Variants in GRM8 observed in about 807,000 individuals in gnomAD.
GRM8 encodes the protein glutamate metabotropic receptor 8.
A neutral mutation model predicts 87.2 loss-of-function variants in GRM8; 47 were observed. The observed-to-expected ratio is 0.54, with a 90% confidence interval of 0.43 to 0.69. GRM8 has a LOEUF of 0.69. GRM8 is among the 30% of genes least tolerant of loss of function. GRM8 has a pLI of 0.00. For missense variants in GRM8, 1,019 were observed against 1,139.2 expected, an observed-to-expected ratio of 0.89 and a Z score of 1.52; for synonymous variants, 396 against 404.5, an observed-to-expected ratio of 0.98 and a Z score of 0.25.
At chr7:127,041,976 T>C (rs1683348460) in intron 3 of GRM8, among the ~76,000 whole-genome samples, 1 of 152,200 alleles carries the variant, frequency 6.6e-6, no homozygotes, top group Non-Finnish European at 1.5e-5. Flanking sequence ...GAGTCTTGGC[T>C]GATGTTTCTT....
chr7:126,877,987 T>C (rs1029532123), intron 6 of GRM8, among the ~76,000 whole-genome samples: 1 of 152,132 alleles, frequency 6.6e-6, no homozygotes, highest in African/African-American at 2.4e-5. Context: ...GGATTTACAA[T>C]GATGAAACAT....
At chr7:126,864,083 C>T (rs1798388555) in intron 6 of GRM8, among the ~76,000 whole-genome samples, 1 of 117,874 alleles carries the variant, frequency 8.5e-6, no homozygotes. Context: ...GTTTTCCAGG[C>T]TGTTCTTGAA....
chr7:126,594,081 A>G (rs1796936871), intron 8 of GRM8, among the ~76,000 whole-genome samples: 1 of 152,094 alleles, frequency 6.6e-6, no homozygotes, highest in Non-Finnish European at 1.5e-5. Flanking sequence ...CTGTTATCAA[A>G]AAGAGAAAAA....
At chr7:126,645,628 T>C (rs2237757) in intron 7 of GRM8, among the ~76,000 whole-genome samples, 46,795 of 152,144 alleles carry the variant, frequency 0.31, 8,066 homozygotes, top group East Asian at 0.43. Context: ...ATTTTGTCTA[T>C]GCAGTGAACA....
chr7:127,120,344 G>C (rs942971147), intron 2 of GRM8, among the ~76,000 whole-genome samples: 1 of 152,182 alleles, frequency 6.6e-6, no homozygotes, highest in South Asian at 2.1e-4. Context: ...TGGTATAAAA[G>C]ATATGTTCAT....
intron 8 of GRM8, among the ~76,000 whole-genome samples, chr7:126,608,778 T>C (rs922795120): frequency 4.0e-5 from 6 of 149,018 alleles, no homozygotes; most frequent in South Asian, 2.1e-4. Flanking sequence ...TTTTTTTTTT[T>C]CTTGAGACGG....
intron 7 of GRM8, among the ~76,000 whole-genome samples, chr7:126,616,351 G>A (rs1271024985): frequency 6.6e-6 from 1 of 152,174 alleles, no homozygotes; most frequent in East Asian, 1.9e-4. Context: ...CAACATAACA[G>A]AATCTCTGGG....
intron 7 of GRM8, among the ~76,000 whole-genome samples, chr7:126,657,378 C>G (rs1466741021): frequency 6.6e-6 from 1 of 152,106 alleles, no homozygotes; most frequent in Admixed American, 6.5e-5. Context: ...CCTAATAGAG[C>G]AGTGGACACT....
chr7:126,460,447 A>G (rs1336651642), intron 9 of GRM8, among the ~76,000 whole-genome samples: 1 of 151,660 alleles, frequency 6.6e-6, no homozygotes. Context: ...TAAAACACCC[A>G]GTAATCACAA....
chr7:126,470,745 A>G (rs1474118383), intron 9 of GRM8, among the ~76,000 whole-genome samples: 1 of 152,184 alleles, frequency 6.6e-6, no homozygotes, highest in Non-Finnish European at 1.5e-5. Flanking sequence ...TTCTAGTTCT[A>G]GATCCCTGAG....
chr7:126,512,573 C>T (rs1811547565), intron 9 of GRM8: 1 of 152,176 alleles, frequency 6.6e-6, no homozygotes, highest in Non-Finnish European at 1.5e-5. Flanking sequence ...TGCCTGATGC[C>T]CCCAGCTTGG....
chr7:127,002,614 G>C (rs1316070503), intron 3 of GRM8, among the ~76,000 whole-genome samples: 1 of 151,592 alleles, frequency 6.6e-6, no homozygotes, highest in African/African-American at 2.4e-5. Flanking sequence ...ATCTGGGAGT[G>C]ATAATAAGAT....
intron 3 of GRM8, among the ~76,000 whole-genome samples, chr7:126,950,163 C>T (rs1032107716): frequency 6.6e-6 from 1 of 152,164 alleles, no homozygotes; most frequent in Admixed American, 6.5e-5. Flanking sequence ...TTAAAATTTA[C>T]TGAGATTTCT....
At chr7:126,840,315 G>A (rs1796158265) in intron 6 of GRM8, among the ~76,000 whole-genome samples, 1 of 152,020 alleles carries the variant, frequency 6.6e-6, no homozygotes, top group Non-Finnish European at 1.5e-5. Context: ...TAATTAATTA[G>A]GTTTAGCTCT....
In GRM8 at chr7:126,904,454, C is replaced by T. The variant is rs1411508775; in HGVS notation, c.863+94G>A. On this transcript the variant is annotated intron_variant, in intron 4 of 10. Coordinates refer to ENST00000339582, the MANE Select transcript of GRM8 (RefSeq NM_000845.3). ...TAGAAGGCAGTCTGTTATTGGAAGG[C>T]AATTACAAGCTTTTATGTTGAACAT... 7 of 1,209,646 alleles carry T rather than the reference C, an allele frequency of 5.8e-6. No homozygotes were observed. In the South Asian group the frequency reaches 7.0e-5, roughly 12 times the overall value. The allele number at this position is 1,209,646 out of a possible 1,614,324, so 74.9% of individuals were successfully genotyped here. A position where few individuals can be genotyped will look rare whatever the true frequency, so the allele number is the denominator to read the frequency against.
chr7:126,459,990 G>A (rs1202318275), intron 9 of GRM8, among the ~76,000 whole-genome samples: 1 of 151,466 alleles, frequency 6.6e-6, no homozygotes, highest in African/African-American at 2.4e-5. Context: ...GATCCTGACA[G>A]CCCTAGACTT....
chr7:126,816,519 A>G (rs1793799508), intron 6 of GRM8, among the ~76,000 whole-genome samples: 1 of 152,140 alleles, frequency 6.6e-6, no homozygotes, highest in Admixed American at 6.6e-5. Context: ...TATTCAATAT[A>G]TATCTAACCT....
chr7:126,467,294 A>G (rs1285944499), intron 9 of GRM8, among the ~76,000 whole-genome samples: 1 of 151,910 alleles, frequency 6.6e-6, no homozygotes, highest in Non-Finnish European at 1.5e-5. Context: ...AGTCTTCAAG[A>G]ATGCCTCTAG....
chr7:126,758,405 T>C (rs996664398), intron 7 of GRM8, among the ~76,000 whole-genome samples: 2 of 152,126 alleles, frequency 1.3e-5, no homozygotes, highest in African/African-American at 4.8e-5. Context: ...ACAACATTAG[T>C]AGAAGAGCTA....
Sources: gnomAD v4.1 joint callset for allele counts (sites outside exome capture counted in the v4.1 genomes callset) on GRCh38, gnomAD v4.1.1 for gene constraint, MANE v1.5 for transcripts, NCBI Gene and HGNC (gene_info 2026-07-23, HGNC 2026-07-21) for gene names.